The following KCNMA1 variants were observed in gnomAD, a reference collection of about 807,000 sequenced individuals.
The protein encoded by KCNMA1 is potassium calcium-activated channel subfamily M alpha 1.
Under a neutral mutation model 140.0 loss-of-function variants are expected in KCNMA1, and 29 were observed. That is an observed-to-expected ratio of 0.21 (90% CI 0.15 to 0.28). The LOEUF (loss-of-function observed/expected upper bound fraction) is 0.28, where lower values mean the gene tolerates loss of function less well. Ranked by LOEUF, KCNMA1 falls within the 10% of genes least tolerant of loss-of-function variation. The pLI is 1.00. For synonymous variants in KCNMA1, 612 were observed against 611.9 expected, an observed-to-expected ratio of 1.00 and a Z score of 0.00; for missense variants, 880 against 1,602.2, an observed-to-expected ratio of 0.55 and a Z score of 7.70.
At chr10:77,329,798 A>G (rs186564315) in intron 2 of KCNMA1, among the ~76,000 whole-genome samples, 1 of 152,326 alleles carries the variant, frequency 6.6e-6, no homozygotes, top group East Asian at 1.9e-4. Context: ...ATCCATCACT[A>G]ATCAGGATAA....
chr10:77,567,347 G>A (rs1162328777), intron 1 of KCNMA1, among the ~76,000 whole-genome samples: 1 of 152,200 alleles, frequency 6.6e-6, no homozygotes, highest in East Asian at 1.9e-4. Flanking sequence ...CACGGCCAGA[G>A]CCTCGCAGTC....
At chr10:77,351,092 A>G (rs2092819746) in intron 2 of KCNMA1, among the ~76,000 whole-genome samples, 1 of 152,272 alleles carries the variant, frequency 6.6e-6, no homozygotes, top group Non-Finnish European at 1.5e-5. Flanking sequence ...AGGGGACTTT[A>G]TCCAAAAGAC....
At chr10:76,958,991 A>G (rs1175216877) in intron 20 of KCNMA1, among the ~76,000 whole-genome samples, 3 of 152,154 alleles carry the variant, frequency 2.0e-5, no homozygotes, top group East Asian at 1.9e-4. Context: ...AAGGGGGGGA[A>G]AAAAGCATCC....
intron 6 of KCNMA1, among the ~76,000 whole-genome samples, chr10:77,120,037 T>G (rs1225247480): frequency 6.6e-6 from 1 of 152,188 alleles, no homozygotes; most frequent in East Asian, 1.9e-4. Flanking sequence ...CTGAATCTAA[T>G]CCTCAAAACT....
intron 2 of KCNMA1, among the ~76,000 whole-genome samples, chr10:77,296,390 T>A (rs1427116991): frequency 6.6e-6 from 1 of 152,216 alleles, no homozygotes; most frequent in Non-Finnish European, 1.5e-5. Context: ...CCCAGTGAGA[T>A]GATTTGGGAT....
At chr10:77,595,054 A>T (rs1168236139) in intron 1 of KCNMA1, among the ~76,000 whole-genome samples, 1 of 152,214 alleles carries the variant, frequency 6.6e-6, no homozygotes, top group South Asian at 2.1e-4. Flanking sequence ...GTGGAAAAAA[A>T]GGTTTTAGTG....
intron 11 of KCNMA1, 70 bp from the exon 12 acceptor site, chr10:77,084,789 CTGT>C: frequency 9.6e-7 from 1 of 1,038,236 alleles, no homozygotes; most frequent in Non-Finnish European, 1.5e-6. Flanking sequence ...TAGTCTCTCT[CTGT>C]TGACAGCTTC....
intron 13 of KCNMA1, among the ~76,000 whole-genome samples, chr10:77,075,032 T>G (rs56174734): frequency 0.011 from 1,620 of 152,364 alleles, 18 homozygotes; most frequent in African/African-American, 0.037. Flanking sequence ...ATGAAATTCC[T>G]TCTTGCAAAA....
At chr10:77,412,771 T>C (rs1043913041) in intron 1 of KCNMA1, among the ~76,000 whole-genome samples, 1 of 152,242 alleles carries the variant, frequency 6.6e-6, no homozygotes, top group Admixed American at 6.5e-5. Flanking sequence ...AGACTGCATC[T>C]GAGTGAAGGG....
intron 2 of KCNMA1, among the ~76,000 whole-genome samples, chr10:77,257,345 C>T (rs1484668258): frequency 6.6e-6 from 1 of 152,134 alleles, no homozygotes; most frequent in East Asian, 1.9e-4. Context: ...GGCCTTTGCC[C>T]TCAGGGAGCA....
At chr10:77,317,728 A>C (rs1050708377) in intron 2 of KCNMA1, among the ~76,000 whole-genome samples, 2 of 152,218 alleles carry the variant, frequency 1.3e-5, no homozygotes, top group South Asian at 4.1e-4. Context: ...GCCGCTGTAC[A>C]TTTCATTTTT....
intron 5 of KCNMA1, among the ~76,000 whole-genome samples, chr10:77,178,255 G>A (rs2098770679): frequency 6.6e-6 from 1 of 152,198 alleles, no homozygotes; most frequent in Non-Finnish European, 1.5e-5. Flanking sequence ...GGAAATCACA[G>A]TACCAGTAGG....
At chr10:77,211,598 A>G (rs2046099656) in intron 3 of KCNMA1, among the ~76,000 whole-genome samples, 1 of 152,228 alleles carries the variant, frequency 6.6e-6, no homozygotes, top group Non-Finnish European at 1.5e-5. Context: ...ACAAAAATTG[A>G]CAAGTGGGAC....
intron 1 of KCNMA1, among the ~76,000 whole-genome samples, chr10:77,504,938 G>A (rs1004943299): frequency 6.6e-6 from 1 of 152,130 alleles, no homozygotes; most frequent in Admixed American, 6.5e-5. Context: ...CATTCCCTGT[G>A]AGGCTCTGGG....
chr10:77,147,502 C>T (rs2154041765), intron 5 of KCNMA1: 1 of 152,310 alleles, frequency 6.6e-6, no homozygotes, highest in Admixed American at 6.5e-5. Flanking sequence ...ATTCTTCCCT[C>T]ATCCCTTTCC....
intron 1 of KCNMA1, among the ~76,000 whole-genome samples, chr10:77,570,375 G>A (rs2070535967): frequency 6.8e-6 from 1 of 147,988 alleles, no homozygotes; most frequent in Non-Finnish European, 1.5e-5. Context: ...AAGAAAATGT[G>A]GCACATATAC....
intron 3 of KCNMA1, among the ~76,000 whole-genome samples, chr10:77,230,321 G>A (rs1412390906): frequency 6.6e-6 from 1 of 152,150 alleles, no homozygotes; most frequent in Non-Finnish European, 1.5e-5. Flanking sequence ...GATGAGTATG[G>A]GGTTTCCTTT....
In KCNMA1 at chr10:76,914,940, T is replaced by C; in HGVS notation, c.3012A>G (p.Glu1004=). Residue 1004 remains glutamate (E), a synonymous_variant, in exon 24 of 28, where the codon GAA becomes GAG. Coordinates refer to ENST00000286628, the MANE Select transcript of KCNMA1 (RefSeq NM_001161352.2). ...AAAGCTGACATTGACCCCTACCTAGTTCAGTGATGATGGGGATGTTGACCC... is the reference window on the plus strand; with the variant it reads ...AAAGCTGACATTGACCCCTACCTAGCTCAGTGATGATGGGGATGTTGACCC... ...TTGVNIPIIT[E]LVNDTNVQFL... is the part of the protein sequence containing the mutation. 1 of 1,604,668 alleles carries C rather than the reference T, an allele frequency of 6.2e-7. No homozygotes were observed. The highest frequency in any genetic ancestry group is 8.5e-7 in the Non-Finnish European group (1 of 1,171,630).
chr10:76,916,043 C>T lies in KCNMA1; in HGVS notation c.2903-994G>A, dbSNP rs538921750. ...ACACACACACACACACACACACACA[C>T]ACATACACAAATGTATTTATACATA... On this transcript the variant is annotated intron_variant, in intron 23 of 27. Coordinates refer to ENST00000286628, the MANE Select transcript of KCNMA1 (RefSeq NM_001161352.2). Among the ~76,000 whole-genome samples the T allele has an allele frequency of 4.8e-4, 73 of 151,446 alleles. 1 individual carries two copies. The highest frequency in any genetic ancestry group is 3.4e-3 in the Middle Eastern group (1 of 294).
Sources: allele counts gnomAD v4.1 joint callset (sites outside exome capture counted in the v4.1 genomes callset), GRCh38; gene constraint gnomAD v4.1.1; transcripts MANE v1.5; gene names NCBI Gene and HGNC (gene_info 2026-07-23, HGNC 2026-07-21).